XXYLT1: variants seen among roughly 807,000 people sequenced by gnomAD.
XXYLT1 encodes the protein xyloside xylosyltransferase 1.
A neutral mutation model predicts 28.9 loss-of-function variants in XXYLT1; 20 were observed. The observed-to-expected ratio is 0.69, with a 90% CI of 0.49 to 1.00. The LOEUF is 1.00. Ranked by LOEUF, XXYLT1 falls within the 50% of genes least tolerant of loss-of-function variation. XXYLT1 has a pLI of 0.00. For missense variants in XXYLT1, 542 were observed against 560.1 expected, an observed-to-expected ratio of 0.97 and a Z score of 0.33; for synonymous variants, 257 against 253.8, an observed-to-expected ratio of 1.01 and a Z score of -0.12.
intron 2 of XXYLT1, among the ~76,000 whole-genome samples, chr3:195,214,431 C>T (rs1723467069): frequency 6.6e-6 from 1 of 152,062 alleles, no homozygotes; most frequent in South Asian, 2.1e-4. Context: ...CATGTCCATC[C>T]TAAACCAGCC....
chr3:195,175,550 G>C (rs1721622170), intron 2 of XXYLT1: 1 of 1,530,592 alleles, frequency 6.5e-7, no homozygotes. Flanking sequence ...AGATTCCTAG[G>C]GGTAGTTAGG....
At chr3:195,192,384 C>T (rs971657684) in intron 2 of XXYLT1, among the ~76,000 whole-genome samples, 4 of 151,068 alleles carry the variant, frequency 2.6e-5, no homozygotes, top group Non-Finnish European at 2.9e-5. Context: ...AAGATCACGC[C>T]ACTGCACTCC....
intron 2 of XXYLT1, among the ~76,000 whole-genome samples, chr3:195,205,724 G>C (rs534743243): frequency 6.6e-5 from 10 of 152,260 alleles, no homozygotes; most frequent in African/African-American, 1.9e-4. Flanking sequence ...TTAGCCAAAT[G>C]TGGTGGCAGG....
At chr3:195,260,859 G>A (rs531544718) in intron 1 of XXYLT1, among the ~76,000 whole-genome samples, 2 of 152,244 alleles carry the variant, frequency 1.3e-5, no homozygotes, top group African/African-American at 4.8e-5. Flanking sequence ...AAGCAGATGA[G>A]AGGGAAGCTG....
In XXYLT1 at chr3:195,146,138, G is replaced by A. The variant is rs148528537; in HGVS notation, c.785+10311C>T. ...GAAGAAATGCAGTCCTGTGGCTGAA[G>A]TCTGCACCTGAGATGGCCATGGAGC... On this transcript the variant is annotated intron_variant, in intron 3 of 3. Transcript: ENST00000310380. 5.2e-3 allele frequency among the ~76,000 whole-genome samples: 791 copies of A among 152,322 alleles called. 7 individuals carry two copies. Among genetic ancestry groups the A allele is most frequent in the Non-Finnish European group, 7.0e-3 (475 of 68,026 alleles).
chr3:195,157,172 G>A (rs1720641937), intron 2 of XXYLT1, among the ~76,000 whole-genome samples: 1 of 150,332 alleles, frequency 6.7e-6, no homozygotes, highest in Admixed American at 6.7e-5. Context: ...GAACCCAGGA[G>A]GCAGAGGTTG....
rs568152355 is a variant in XXYLT1 at position 195,173,449 on chromosome 3, A to G, written c.653-16868T>C. ...GACACTAAGTAACATTCTGGTTCAT[A>G]TAAGACTGGGCGGAAGAACAGCTCC... On this transcript the variant is annotated intron_variant, in intron 2 of 3. Transcript: ENST00000310380. The surrounding 1 kb of genome is among the most constrained non-coding windows in gnomAD (Gnocchi z 4.3). 1.3e-5 allele frequency among the ~76,000 whole-genome samples: 2 copies of G among 152,338 alleles called. No individual in the cohort carries two copies. The highest frequency in any genetic ancestry group is 1.9e-4 in the East Asian group (1 of 5,190).
intron 3 of XXYLT1, chr3:195,122,287 T>G: frequency 1.5e-6 from 1 of 657,784 alleles, no homozygotes; most frequent in Non-Finnish European, 2.8e-6. Flanking sequence ...ATACAATTAT[T>G]CAGTCCATTG....
chr3:195,119,470 A>C (rs1718228982), intron 3 of XXYLT1, among the ~76,000 whole-genome samples: 1 of 152,168 alleles, frequency 6.6e-6, no homozygotes, highest in Non-Finnish European at 1.5e-5. Context: ...CTATGAAATG[A>C]GTGACTGGGT....
rs376223527 is a variant in XXYLT1, at chr3:195,162,284, G to A, written c.653-5703C>T. 7.8e-4 allele frequency among the ~76,000 whole-genome samples: 118 copies of A among 152,238 alleles called. 5 individuals carry two copies. In the South Asian group the frequency reaches 0.02, roughly 26 times the overall value. ...CCTGGGCAGCCAGGATACGGCCAGC[G>A]CTCAGCTTTGCAGGCTCTGCCCAGA... is the stretch of plus-strand genomic sequence containing the variant. On this transcript the variant is annotated intron_variant, in intron 2 of 3. Transcript: ENST00000310380.
At chr3:195,204,019 G>A (rs184875425) in intron 2 of XXYLT1, among the ~76,000 whole-genome samples, 24 of 152,320 alleles carry the variant, frequency 1.6e-4, no homozygotes, top group African/African-American at 5.5e-4. Context: ...GCTTCTAATA[G>A]AGCTTAGAAT....
At position 195,114,249 on chromosome 3, in the gene XXYLT1, C is replaced by T. The variant is rs118148854; in HGVS notation, c.785+42200G>A. On this transcript the variant is annotated intron_variant, in intron 3 of 3. Transcript: ENST00000310380. The stretch of plus-strand genomic sequence containing the variant: ...TTGGGTGGCCCCCTTCTCGCTCCTC[C>T]ACGTGAAGCCCTGAACTCAGCTGCC... Among the ~76,000 whole-genome samples, 289 of 152,368 alleles carry T rather than the reference C, an allele frequency of 1.9e-3. 4 individuals carry two copies. The East Asian group carries it at 0.023, about 12-fold the overall frequency.
At chr3:195,175,826 C>T in intron 2 of XXYLT1, 1 of 1,414,530 alleles carries the variant, frequency 7.1e-7, no homozygotes, top group Non-Finnish European at 9.2e-7. Context: ...GCCTCGATTC[C>T]CGAGTCACTG....
rs1392431236 is a variant in XXYLT1, at chr3:195,168,677, T to C, written c.653-12096A>G. On this transcript the variant is annotated intron_variant, in intron 2 of 3. Transcript: ENST00000310380. The surrounding 1 kb of genome is among the most constrained non-coding windows in gnomAD (Gnocchi z 4.3). ...GCTCCCCTCTCTTCTGCAACATTCC[T>C]CATGATCATTAAATATCACCATATG... is the stretch of plus-strand genomic sequence containing the variant. Among the ~76,000 whole-genome samples the C allele has an allele frequency of 6.6e-6, 1 of 152,208 alleles. No homozygotes were observed. The highest frequency in any genetic ancestry group is 2.4e-5 in the African/African-American group (1 of 41,452).
intron 2 of XXYLT1, among the ~76,000 whole-genome samples, chr3:195,169,288 C>T (rs1721279270): frequency 6.6e-6 from 1 of 152,250 alleles, no homozygotes; most frequent in South Asian, 2.1e-4. Context: ...GGAAGTCTGC[C>T]ACGGTGAGTG....
At position 195,240,963 on chromosome 3, in the gene XXYLT1, T is replaced by A. The variant is rs767769314; in HGVS notation, c.505-14107A>T. Among the ~76,000 whole-genome samples, 43 of 152,258 alleles carry A rather than the reference T, an allele frequency of 2.8e-4. No individual in the cohort carries two copies. The highest frequency in any genetic ancestry group is 1.7e-3 in the Admixed American group (26 of 15,294). On this transcript the variant is annotated intron_variant, in intron 1 of 3. Transcript: ENST00000310380. This position sits in a 1 kb window ranked among gnomAD's most constrained non-coding sequence, Gnocchi z 4.7. ...GAGTCACTAAAACGCTCCAAACCTA[T>A]AGGTAGATCAAACACAATTCTGAAC...
intron 3 of XXYLT1, among the ~76,000 whole-genome samples, chr3:195,132,764 G>C (rs1462725587): frequency 1.3e-5 from 2 of 152,214 alleles, no homozygotes; most frequent in East Asian, 3.8e-4. Context: ...GCAGACCGTA[G>C]TGAAGCAGGA....
intron 3 of XXYLT1, chr3:195,134,376 C>G (rs1340564932): frequency 1.3e-5 from 2 of 152,240 alleles, no homozygotes; most frequent in African/African-American, 2.4e-5. Flanking sequence ...ATGCCCTATA[C>G]AGAGGCACCA....
intron 3 of XXYLT1, among the ~76,000 whole-genome samples, chr3:195,102,846 G>A (rs1716868050): frequency 6.6e-6 from 1 of 152,214 alleles, no homozygotes; most frequent in Non-Finnish European, 1.5e-5. Flanking sequence ...GGACTGCTGA[G>A]TCATATAGTA....
Sources: gnomAD v4.1 joint callset for allele counts (sites outside exome capture counted in the v4.1 genomes callset) on GRCh38, gnomAD v4.1.1 for gene constraint, Gnocchi (gnomAD v3.1) non-coding constraint, MANE v1.5 for transcripts, NCBI Gene and HGNC (gene_info 2026-07-23, HGNC 2026-07-21) for gene names.